PARP8: variants seen among roughly 807,000 people sequenced by gnomAD.
PARP8 encodes poly(ADP-ribose) polymerase family member 8.
Under a neutral mutation model 124.1 loss-of-function variants are expected in PARP8, and 51 were observed. The ratio of observed to expected loss-of-function variants is 0.41; its 90% confidence interval spans 0.33 to 0.52. The LOEUF is 0.52. PARP8 is among the 20% of genes least tolerant of loss of function. The pLI is 0.21. For synonymous variants in PARP8, 391 were observed against 361.5 expected (o/e 1.08, Z -0.93); for missense variants, 860 against 1,018.9 (o/e 0.84, Z 2.12).
chr5:50,754,939 G>A (rs1462846591), intron 3 of PARP8, among the ~76,000 whole-genome samples: 1 of 152,176 alleles, frequency 6.6e-6, no homozygotes, highest in Admixed American at 6.5e-5. Context: ...GGCCAGTGAT[G>A]ATGAGCATTT....
intron 14 of PARP8, among the ~76,000 whole-genome samples, chr5:50,805,209 T>C (rs765482786): frequency 6.6e-6 from 1 of 152,144 alleles, no homozygotes; most frequent in African/African-American, 2.4e-5. Flanking sequence ...ATCTGCATAG[T>C]ATTCAAGGTC....
chr5:50,701,305 A>G lies in PARP8; in HGVS notation c.146+33180A>G, dbSNP rs562741848. Among the ~76,000 whole-genome samples the G allele has an allele frequency of 7.2e-5, 11 of 152,266 alleles. No individual in the cohort carries two copies. The South Asian group carries it at 2.3e-3, about 32-fold the overall frequency. ...GGATATGTATAAGTGGATGGATTGA[A>G]GAAACATTTACTGCAAAATTATCAG... On this transcript the variant is annotated intron_variant, in intron 2 of 25. Transcript: ENST00000281631.
chr5:50,803,827 C>T (rs1298267988), intron 14 of PARP8, among the ~76,000 whole-genome samples: 10 of 152,206 alleles, frequency 6.6e-5, no homozygotes, highest in Admixed American at 2.0e-4. Flanking sequence ...GCTTTTTACC[C>T]TGTGAATAGG....
Position 50,666,914 on chromosome 5 carries a change from C to CTCA in PARP8, c.-180_-179insATC, listed in dbSNP as rs1749346457. ...CAAAGCCGACCTCCCCCTCCTCCTC[C>CTCA]TCCTCCCCCTCCTCCTCCTCCTCTT... is the stretch of plus-strand genomic sequence containing the variant. On this transcript the variant is annotated 5_prime_UTR_variant, in exon 1 of 26. Coordinates refer to ENST00000281631, the MANE Select transcript of PARP8 (RefSeq NM_024615.4). 7.4e-7 allele frequency: 1 copy of CTCA among 1,347,156 alleles called. No homozygotes were observed. Among genetic ancestry groups the CTCA allele is most frequent in the Non-Finnish European group, 9.6e-7 (1 of 1,043,208 alleles). 83.5% of individuals were successfully genotyped at this position (1,347,156 alleles called of 1,614,324 possible).
chr5:50,744,695 A>G (rs1758366558), intron 2 of PARP8: 1 of 692,516 alleles, frequency 1.4e-6, no homozygotes, highest in Admixed American at 2.1e-5. Context: ...GTAAGTCAGC[A>G]TATCCCAAAA....
chr5:50,685,829 T>C (rs776551846), intron 2 of PARP8, among the ~76,000 whole-genome samples: 15 of 152,134 alleles, frequency 9.9e-5, no homozygotes, highest in Non-Finnish European at 1.8e-4. Context: ...AAAGAGAGCT[T>C]GTGCAGCAAA....
chr5:50,718,153 A>C (rs1755509678), intron 2 of PARP8, among the ~76,000 whole-genome samples: 1 of 152,012 alleles, frequency 6.6e-6, no homozygotes, highest in Non-Finnish European at 1.5e-5. Context: ...AATTTTTAAA[A>C]ATTTCACAAG....
chr5:50,782,381 T>G (rs1020713691), intron 9 of PARP8, among the ~76,000 whole-genome samples: 3 of 152,224 alleles, frequency 2.0e-5, no homozygotes, highest in Non-Finnish European at 4.4e-5. Context: ...ATCTTACTAG[T>G]AAACTCCCCA....
intron 9 of PARP8, among the ~76,000 whole-genome samples, chr5:50,787,352 C>G (rs1741376164): frequency 6.6e-6 from 1 of 152,166 alleles, no homozygotes; most frequent in Non-Finnish European, 1.5e-5. Context: ...TCAGTCCTCT[C>G]CCTACACTGT....
intron 3 of PARP8, among the ~76,000 whole-genome samples, chr5:50,753,780 T>G (rs1181802353): frequency 6.6e-6 from 1 of 151,968 alleles, no homozygotes; most frequent in Non-Finnish European, 1.5e-5. Context: ...ATTATTTATC[T>G]TAAGTTACAT....
chr5:50,671,199 C>G (rs1247261554), intron 2 of PARP8, among the ~76,000 whole-genome samples: 1 of 152,200 alleles, frequency 6.6e-6, no homozygotes, highest in Non-Finnish European at 1.5e-5. Flanking sequence ...TACTGATTAG[C>G]AATAAACTCC....
chr5:50,788,403 A>G, intron 9 of PARP8, 120 bp from the exon 10 acceptor site: 1 of 780,414 alleles, frequency 1.3e-6, no homozygotes, highest in South Asian at 1.7e-5. Context: ...CTGCATGTAC[A>G]CTGTTTTTAA....
At chr5:50,753,761 GTTATAA>G (rs1006864253) in intron 3 of PARP8, among the ~76,000 whole-genome samples, 1 of 151,822 alleles carries the variant, frequency 6.6e-6, no homozygotes, top group Non-Finnish European at 1.5e-5. Context: ...TTTTTTTAGA[GTTATAA>G]TTATTATTTA....
chr5:50,761,321 C>G (rs1465842033), intron 5 of PARP8, among the ~76,000 whole-genome samples: 1 of 151,980 alleles, frequency 6.6e-6, no homozygotes, highest in Non-Finnish European at 1.5e-5. Flanking sequence ...AATTCTGAAA[C>G]AAATAATTTC....
chr5:50,666,903 C>CTCT lies in PARP8; in HGVS notation c.-193_-192insTCT. On this transcript the variant is annotated 5_prime_UTR_variant, in exon 1 of 26. Transcript: ENST00000281631. Reference sequence around the variant, plus strand: ...ATCTGGGAATGCAAAGCCGACCTCCCCCTCCTCCTCCTCCTCCCCCTCCTC... The same window carrying CTCT: ...ATCTGGGAATGCAAAGCCGACCTCCCTCTCCTCCTCCTCCTCCTCCCCCTCCTC... 3 of 1,073,250 alleles carry CTCT rather than the reference C, an allele frequency of 2.8e-6. No individual in the cohort carries two copies. Among genetic ancestry groups the CTCT allele is most frequent in the East Asian group, 6.3e-5 (1 of 15,848 alleles). 66.5% of individuals were successfully genotyped at this position (1,073,250 alleles called of 1,614,324 possible).
chr5:50,709,959 CAT>C (rs1289863993), intron 2 of PARP8, among the ~76,000 whole-genome samples: 3 of 104,832 alleles, frequency 2.9e-5, no homozygotes, highest in African/African-American at 9.5e-5. Context: ...TATATATACA[CAT>C]ACATATATAC....
intron 2 of PARP8, among the ~76,000 whole-genome samples, chr5:50,749,360 T>G (rs1388170450): frequency 6.6e-6 from 1 of 152,134 alleles, no homozygotes. Context: ...ACATGTGCTG[T>G]GTGTCATGCA....
chr5:50,816,776 T>C (rs1266732703), intron 15 of PARP8, among the ~76,000 whole-genome samples: 2 of 152,160 alleles, frequency 1.3e-5, no homozygotes, highest in South Asian at 2.1e-4. Flanking sequence ...AGAAAATAGC[T>C]AGCCTATACT....
At chr5:50,695,497 CTAA>C (rs1752929111) in intron 2 of PARP8, among the ~76,000 whole-genome samples, 1 of 152,142 alleles carries the variant, frequency 6.6e-6, no homozygotes, top group Non-Finnish European at 1.5e-5. Flanking sequence ...GTAATTTGTA[CTAA>C]TAATGTGCAC....
Sources: allele counts gnomAD v4.1 joint callset (sites outside exome capture counted in the v4.1 genomes callset), GRCh38; gene constraint gnomAD v4.1.1; transcripts MANE v1.5; gene names NCBI Gene and HGNC (gene_info 2026-07-23, HGNC 2026-07-21).